ATP10B: variants seen among roughly 807,000 people sequenced by gnomAD.
ATP10B encodes phospholipid-transporting ATPase VB.
A neutral mutation model predicts 141.2 loss-of-function variants in ATP10B; 122 were observed. The observed-to-expected ratio is 0.86, with a 90% CI of 0.75 to 1.00. The LOEUF is 1.00. Ranked by LOEUF, ATP10B falls within the 50% of genes least tolerant of loss-of-function variation. The pLI, the probability that ATP10B is intolerant of heterozygous loss-of-function variation, is 0.00. For missense variants in ATP10B, 1,876 were observed against 1,825.3 expected, an observed-to-expected ratio of 1.03 and a Z score of -0.51; for synonymous variants, 685 against 692.0, an observed-to-expected ratio of 0.99 and a Z score of 0.16.
In ATP10B at chr5:160,735,093, G is replaced by GATTAAAA. The variant is rs1767015501; in HGVS notation, c.-330-18066_-330-18060dup. Among the ~76,000 whole-genome samples the GATTAAAA allele has an allele frequency of 6.3e-5, 9 of 142,710 alleles. No homozygotes were observed. The South Asian group carries it at 2.0e-3, about 32-fold the overall frequency. 93.6% of individuals were successfully genotyped at this position (142,710 alleles called of 152,430 possible). On this transcript the variant is annotated intron_variant, in intron 2 of 25. Transcript: ENST00000327245. The stretch of plus-strand genomic sequence containing the variant: ...GGAAAGAAAGAAAGTAGGAAGAGAA[G>GATTAAAA]ATTAAAAAAAAAAAAAACACCGGAA...
At position 160,687,799 on chromosome 5, in the gene ATP10B, C is replaced by G; in HGVS notation, c.275+1G>C. The G allele has an allele frequency of 6.2e-7, 1 of 1,612,780 alleles. No homozygotes were observed. Among genetic ancestry groups the G allele is most frequent in the Non-Finnish European group, 8.5e-7 (1 of 1,179,290 alleles). ...TATTGTTCAGACAAGTGGATCTCTA[C>G]CTATGAAATTGCTCAAAGAGATTCC... On this transcript the variant is annotated splice_donor_variant, in intron 5 of 25. Transcript: ENST00000327245. LOFTEE classifies it high-confidence loss of function.
chr5:160,597,915 G>C (rs949118330), intron 22 of ATP10B, among the ~76,000 whole-genome samples: 59 of 151,680 alleles, frequency 3.9e-4, no homozygotes, highest in Admixed American at 3.4e-3. Flanking sequence ...AGAGGATGTG[G>C]AGAAATAGGA....
chr5:160,567,707 C>G (rs1479256035), intron 25 of ATP10B, among the ~76,000 whole-genome samples: 1 of 151,888 alleles, frequency 6.6e-6, no homozygotes, highest in African/African-American at 2.4e-5. Flanking sequence ...GGAATATGTC[C>G]TAGGAGGAGT....
At chr5:160,682,585 T>C (rs1763471552) in intron 6 of ATP10B, among the ~76,000 whole-genome samples, 1 of 152,154 alleles carries the variant, frequency 6.6e-6, no homozygotes, top group African/African-American at 2.4e-5. Context: ...TGCGATATTC[T>C]GGCAGAGCGA....
chr5:160,580,245 T>A (rs1207776366), intron 24 of ATP10B, among the ~76,000 whole-genome samples: 1 of 152,220 alleles, frequency 6.6e-6, no homozygotes, highest in Non-Finnish European at 1.5e-5. Flanking sequence ...TTCTGTCGGT[T>A]TTCAAGGGGA....
intron 3 of ATP10B, among the ~76,000 whole-genome samples, chr5:160,691,341 G>C (rs540317281): frequency 6.6e-6 from 1 of 152,112 alleles, no homozygotes; most frequent in South Asian, 2.1e-4. Context: ...ATATATCCCA[G>C]AACTTAAAGT....
intron 3 of ATP10B, among the ~76,000 whole-genome samples, chr5:160,699,696 C>T (rs1338803659): frequency 6.6e-6 from 1 of 151,926 alleles, no homozygotes; most frequent in East Asian, 1.9e-4. Context: ...AAGGAATATA[C>T]TTTTAATCAG....
At position 160,600,202 on chromosome 5, in the gene ATP10B, TAAC is replaced by T. The variant is rs372338078; in HGVS notation, c.3364-1235_3364-1233del. The stretch of plus-strand genomic sequence containing the variant: ...GTACTGATATATCACATGTTGATAT[TAAC>T]AATAATATTAACATTATTAGGCCCA... On this transcript the variant is annotated intron_variant, in intron 21 of 25. Coordinates refer to ENST00000327245, the MANE Select transcript of ATP10B (RefSeq NM_025153.3). 4.3e-3 allele frequency among the ~76,000 whole-genome samples: 651 copies of T among 152,284 alleles called. 5 individuals are homozygous for T. Among genetic ancestry groups the T allele is most frequent in the African/African-American group, 0.015 (625 of 41,540 alleles).
chr5:160,903,800 A>T, the ATP10B span, among the ~76,000 whole-genome samples: 1 of 152,106 alleles, frequency 6.6e-6, no homozygotes, highest in Non-Finnish European at 1.5e-5. Context: ...AATAAAGAGG[A>T]GGTTAGGTGT....
At chr5:160,757,685 G>T (rs936138932) in intron 2 of ATP10B, among the ~76,000 whole-genome samples, 2 of 152,106 alleles carry the variant, frequency 1.3e-5, no homozygotes, top group African/African-American at 4.8e-5. Flanking sequence ...AGTCAGTGTG[G>T]TATGGATGGG....
chr5:160,872,216 A>G, the ATP10B span, among the ~76,000 whole-genome samples: 1 of 152,086 alleles, frequency 6.6e-6, no homozygotes, highest in African/African-American at 2.4e-5. Flanking sequence ...TCATGTCCTT[A>G]GCCCATTTTC....
chr5:160,634,106 C>T (rs1581233941), intron 12 of ATP10B: 1 of 613,434 alleles, frequency 1.6e-6, no homozygotes, highest in Non-Finnish European at 2.9e-6. Flanking sequence ...TGGCACCAGA[C>T]AAAGATCAGC....
At chr5:160,769,888 A>G (rs965866452) in intron 2 of ATP10B, among the ~76,000 whole-genome samples, 3 of 152,160 alleles carry the variant, frequency 2.0e-5, no homozygotes, top group Non-Finnish European at 4.4e-5. Context: ...AATGATAAAC[A>G]AGTCGTACAG....
At position 160,634,557 on chromosome 5, in the gene ATP10B, C is replaced by T; in HGVS notation, c.1178G>A (p.Gly393Glu). The change falls in exon 12 of 26, where the codon GGG becomes GAG. Residue 393 changes from glycine to glutamate, a missense_variant. By Grantham distance (98) the Gly-to-Glu change is moderately conservative. Coordinates refer to ENST00000327245, the MANE Select transcript of ATP10B (RefSeq NM_025153.3). The part of the protein sequence containing the change: ...LYVSIELVKL[G>E]QVFFLSNDLD... The stretch of plus-strand genomic sequence containing the variant: ...GTCATTGCTCAAGAAGAACACTTGC[C>T]CGAGCTTCACCAGCTCAATGGAGAC... 1 of 1,613,992 alleles carries T rather than the reference C, an allele frequency of 6.2e-7. No homozygotes were observed. Among genetic ancestry groups the T allele is most frequent in the Non-Finnish European group, 8.5e-7 (1 of 1,179,960 alleles).
At chr5:160,652,842 T>G (rs1760882229) in intron 7 of ATP10B, among the ~76,000 whole-genome samples, 1 of 99,040 alleles carries the variant, frequency 1.0e-5, no homozygotes, top group South Asian at 2.6e-4. Context: ...TAATATATAT[T>G]ATAAAAAGAT....
intron 1 of ATP10B, among the ~76,000 whole-genome samples, chr5:160,842,151 G>A (rs1361251392): frequency 1.3e-5 from 2 of 152,152 alleles, no homozygotes; most frequent in Non-Finnish European, 2.9e-5. Flanking sequence ...ATAGATATAA[G>A]CTAGAAATAA....
intron 1 of ATP10B, among the ~76,000 whole-genome samples, chr5:160,827,276 G>C (rs1051861053): frequency 2.0e-5 from 3 of 152,112 alleles, no homozygotes; most frequent in Admixed American, 1.3e-4. Flanking sequence ...TGAAATATTG[G>C]GGGCAGGTTC....
chr5:160,580,556 G>C (rs1172613959), intron 24 of ATP10B, among the ~76,000 whole-genome samples: 1 of 152,084 alleles, frequency 6.6e-6, no homozygotes, highest in Non-Finnish European at 1.5e-5. Flanking sequence ...TGCTGGATTT[G>C]GTTTGCCAGT....
chr5:160,744,752 GTAACTGTCTATTGAGACA>G (rs1487676499), intron 2 of ATP10B, among the ~76,000 whole-genome samples: 1 of 152,194 alleles, frequency 6.6e-6, no homozygotes, highest in Non-Finnish European at 1.5e-5. Context: ...ACAGGTCTTT[GTAACTGTCTATTGAGACA>G]GACAATTTAC....
Sources: allele counts gnomAD v4.1 joint callset (sites outside exome capture counted in the v4.1 genomes callset), GRCh38; gene constraint gnomAD v4.1.1; transcripts MANE v1.5; gene names NCBI Gene and HGNC (gene_info 2026-07-23, HGNC 2026-07-21).